SUSD1: variants seen among roughly 807,000 people sequenced by gnomAD.
The protein encoded by SUSD1 is sushi domain-containing protein 1.
A neutral mutation model predicts 86.9 loss-of-function variants in SUSD1; 65 were observed. That is an observed-to-expected ratio of 0.75 (90% CI 0.61 to 0.92). SUSD1 has a LOEUF of 0.92. SUSD1 is among the 40% of genes least tolerant of loss of function. The pLI is 0.00. For missense variants in SUSD1, 850 were observed against 929.7 expected, an observed-to-expected ratio of 0.91 and a Z score of 1.11; for synonymous variants, 346 against 350.0, an observed-to-expected ratio of 0.99 and a Z score of 0.13.
intron 8 of SUSD1, among the ~76,000 whole-genome samples, chr9:112,110,899 C>T (rs1831066800): frequency 6.6e-6 from 1 of 152,188 alleles, no homozygotes; most frequent in South Asian, 2.1e-4. Flanking sequence ...CTTCCACTTC[C>T]CCACTCTCAA....
chr9:112,052,647 C>T (rs1468133978), intron 14 of SUSD1, among the ~76,000 whole-genome samples: 2 of 152,160 alleles, frequency 1.3e-5, no homozygotes, highest in African/African-American at 4.8e-5. Flanking sequence ...AGTGACCCTA[C>T]AGATCACTTC....
At chr9:112,044,263 A>T (rs775500265) in intron 15 of SUSD1, among the ~76,000 whole-genome samples, 20 of 152,378 alleles carry the variant, frequency 1.3e-4, no homozygotes, top group Non-Finnish European at 2.2e-4. Context: ...AAATCCAAGC[A>T]TATCAAATAC....
chr9:112,102,277 G>A lies in SUSD1; in HGVS notation c.1180C>T (p.Leu394Phe), dbSNP rs151037274. The stretch of plus-strand genomic sequence containing the variant: ...TTGAAACTTCCATCATCTTCTAAGA[G>A]ATCAACTTCTAAAAGACAAGAGAGA... ...VIGFQTAEVDLLEDDGSFNIS... is the reference protein window; with the variant it reads ...VIGFQTAEVDFLEDDGSFNIS... Residue 394 changes from leucine to phenylalanine, a missense_variant, in exon 9 of 17, where the codon CTC (leucine) becomes TTC (phenylalanine). Transcript: ENST00000374270. 6.5e-7 allele frequency: 1 copy of A among 1,549,396 alleles called. No homozygotes were observed. The highest frequency in any genetic ancestry group is 2.3e-5 in the East Asian group (1 of 43,810).
intron 10 of SUSD1, among the ~76,000 whole-genome samples, chr9:112,088,657 A>G (rs1030330503): frequency 1.3e-5 from 2 of 152,114 alleles, no homozygotes; most frequent in East Asian, 1.9e-4. Context: ...AAATTAGCCA[A>G]GCATGGTGGT....
At chr9:112,163,502 G>T (rs1387807024) in intron 1 of SUSD1, among the ~76,000 whole-genome samples, 1 of 151,988 alleles carries the variant, frequency 6.6e-6, no homozygotes, top group African/African-American at 2.4e-5. Context: ...GCTGGGCATG[G>T]TGGTGCATAG....
chr9:112,044,550 T>C (rs1001165594), intron 15 of SUSD1, among the ~76,000 whole-genome samples: 1 of 152,224 alleles, frequency 6.6e-6, no homozygotes, highest in African/African-American at 2.4e-5. Context: ...TTTGATACTG[T>C]TTCAGATCAT....
At chr9:112,117,102 T>C (rs564346743) in intron 6 of SUSD1, among the ~76,000 whole-genome samples, 4 of 152,216 alleles carry the variant, frequency 2.6e-5, no homozygotes, top group Non-Finnish European at 5.9e-5. Context: ...ATCGTGCCAC[T>C]GCACTCCAGC....
chr9:112,051,233 T>C (rs181507531), intron 15 of SUSD1, among the ~76,000 whole-genome samples: 20 of 152,272 alleles, frequency 1.3e-4, no homozygotes, highest in Non-Finnish European at 1.9e-4. Context: ...ATTACTTAAA[T>C]AGAGCACAAG....
In SUSD1 at chr9:112,143,514, T is replaced by TG; in HGVS notation, c.482_483insC (p.Pro162ThrfsTer2). 6.2e-7 allele frequency: 1 copy of TG among 1,614,054 alleles called. No individual in the cohort carries two copies. The highest frequency in any genetic ancestry group is 1.1e-5 in the South Asian group (1 of 91,062). ...CGGTGGTCGGGTGGAAAGGTTCAGGTCCATTCCTTGGCAAGTATCCATCCA... is the reference window on the plus strand; with the variant it reads ...CGGTGGTCGGGTGGAAAGGTTCAGGTGCCATTCCTTGGCAAGTATCCATCCA... On this transcript the variant is annotated frameshift_variant, in exon 4 of 17. Transcript: ENST00000374270. LOFTEE classifies it high-confidence loss of function.
chr9:112,152,942 T>A (rs894027119), intron 2 of SUSD1, among the ~76,000 whole-genome samples: 6 of 145,708 alleles, frequency 4.1e-5, no homozygotes, highest in African/African-American at 1.3e-4. Context: ...GGAAAAAAAA[T>A]GTTTTTACTT....
rs1028911897 is a variant in SUSD1 at position 112,113,381 on chromosome 9, G to T, written c.887-513C>A. On this transcript the variant is annotated intron_variant, in intron 6 of 16. Coordinates refer to ENST00000374270, the MANE Select transcript of SUSD1 (RefSeq NM_022486.5). The surrounding 1 kb of genome is among the most constrained non-coding windows in gnomAD (Gnocchi z 4.1). ...GGCAAACTAAAGAAATTCTCCACAA[G>T]GTTCCTAGGTACTTCTGGGACTCCT... is the stretch of plus-strand genomic sequence containing the variant. Among the ~76,000 whole-genome samples, 3 of 152,194 alleles carry T rather than the reference G, an allele frequency of 2.0e-5. No individual in the cohort carries two copies. Among genetic ancestry groups the T allele is most frequent in the Non-Finnish European group, 4.4e-5 (3 of 68,038 alleles).
chr9:112,130,866 A>G (rs1016042512), intron 5 of SUSD1, among the ~76,000 whole-genome samples: 1 of 150,122 alleles, frequency 6.7e-6, no homozygotes, highest in African/African-American at 2.4e-5. Flanking sequence ...AAAAAAAAAT[A>G]CAATAACTAG....
intron 15 of SUSD1, among the ~76,000 whole-genome samples, chr9:112,044,429 C>A (rs773583220): frequency 3.3e-5 from 5 of 152,214 alleles, no homozygotes; most frequent in African/African-American, 1.2e-4. Flanking sequence ...ATACTACCCA[C>A]CTCTAGGTAG....
rs144951919 is a variant in SUSD1, at chr9:112,070,056, A to C, written c.1754-7023T>G. Among the ~76,000 whole-genome samples the C allele has an allele frequency of 3.3e-3, 496 of 152,080 alleles. 2 individuals carry two copies. The highest frequency in any genetic ancestry group is 0.011 in the African/African-American group (467 of 41,464). Reference sequence around the variant, plus strand: ...GTTTCGCTCTTGTCGCCCAGGCTGGAGTGCAATGGTGTGATCTCAGCTCAC... The same window carrying C: ...GTTTCGCTCTTGTCGCCCAGGCTGGCGTGCAATGGTGTGATCTCAGCTCAC... On this transcript the variant is annotated intron_variant, in intron 12 of 16. Coordinates refer to ENST00000374270, the MANE Select transcript of SUSD1 (RefSeq NM_022486.5).
intron 14 of SUSD1, among the ~76,000 whole-genome samples, chr9:112,054,733 A>G (rs547910322): frequency 5.9e-5 from 9 of 152,326 alleles, no homozygotes; most frequent in Non-Finnish European, 1.3e-4. Context: ...TCAAATTATA[A>G]AACTCTTAGA....
intron 6 of SUSD1, among the ~76,000 whole-genome samples, chr9:112,116,618 G>A (rs906884210): frequency 6.6e-6 from 1 of 152,182 alleles, no homozygotes; most frequent in African/African-American, 2.4e-5. Context: ...GACTATGTAG[G>A]GAAAAAGTAC....
At chr9:112,119,302 C>A (rs534594794) in intron 6 of SUSD1, among the ~76,000 whole-genome samples, 2 of 152,292 alleles carry the variant, frequency 1.3e-5, no homozygotes, top group Admixed American at 6.5e-5. Context: ...CCAATACATC[C>A]GGCCATGTGG....
intron 2 of SUSD1, among the ~76,000 whole-genome samples, chr9:112,151,083 C>T (rs182181294): frequency 2.6e-5 from 4 of 152,338 alleles, no homozygotes; most frequent in African/African-American, 7.2e-5. Flanking sequence ...GCTAGCACTA[C>T]AGGCACAAGC....
chr9:112,122,137 T>C lies in SUSD1; in HGVS notation c.886+2120A>G, dbSNP rs540082580. Among the ~76,000 whole-genome samples the C allele has an allele frequency of 3.9e-5, 6 of 152,302 alleles. No homozygotes were observed. In the East Asian group the frequency reaches 9.6e-4, roughly 24 times the overall value. ...GGCCTAATGACACACAGCTAATATA[T>C]GGCATTGCTAGAATATGAAGTGAAG... On this transcript the variant is annotated intron_variant, in intron 6 of 16. Coordinates refer to ENST00000374270, the MANE Select transcript of SUSD1 (RefSeq NM_022486.5).
Sources: gnomAD v4.1 joint callset for allele counts (sites outside exome capture counted in the v4.1 genomes callset) on GRCh38, gnomAD v4.1.1 for gene constraint, Gnocchi (gnomAD v3.1) non-coding constraint, MANE v1.5 for transcripts, NCBI Gene and HGNC (gene_info 2026-07-23, HGNC 2026-07-21) for gene names.